Variants in TRPM6 observed in about 807,000 individuals in gnomAD.
The protein encoded by TRPM6 is channel kinase 2.
Under a neutral mutation model 247.6 loss-of-function variants are expected in TRPM6, and 111 were observed. The observed-to-expected ratio is 0.45, with a 90% CI of 0.38 to 0.52. The LOEUF is 0.52. Ranked by LOEUF, TRPM6 falls within the 20% of genes least tolerant of loss-of-function variation. TRPM6 has a pLI of 0.00. For synonymous variants in TRPM6, 892 were observed against 853.8 expected (o/e 1.04, Z -0.78); for missense variants, 2,126 against 2,421.5 (o/e 0.88, Z 2.56).
chr9:74,836,391 C>A (rs922279570), intron 5 of TRPM6, among the ~76,000 whole-genome samples: 7 of 152,112 alleles, frequency 4.6e-5, no homozygotes, highest in African/African-American at 1.7e-4. Context: ...GCAGCTAAAT[C>A]ACTTCCTCAT....
At chr9:74,849,913 G>C (rs1361188642) in intron 3 of TRPM6, among the ~76,000 whole-genome samples, 2 of 152,238 alleles carry the variant, frequency 1.3e-5, no homozygotes, top group Non-Finnish European at 2.9e-5. Flanking sequence ...GTGTAACTGA[G>C]AACCTGTAGC....
chr9:74,770,535 T>C (rs1009429413), intron 25 of TRPM6, among the ~76,000 whole-genome samples: 5 of 152,066 alleles, frequency 3.3e-5, no homozygotes, highest in African/African-American at 7.2e-5. Flanking sequence ...CCAGTGTGTC[T>C]CCTCCTCTTT....
At position 74,842,264 on chromosome 9, in the gene TRPM6, T is replaced by G. The variant is rs754961008; in HGVS notation, c.232A>C (p.Ser78Arg). 1.2e-6 allele frequency: 2 copies of G among 1,614,222 alleles called. No homozygotes were observed. The highest frequency in any genetic ancestry group is 1.7e-6 in the Non-Finnish European group (2 of 1,180,042). ...WTISAAKGKE[S>R]EQWSVEKHTT... is the part of the protein sequence containing the mutation. ...TGCTTTTCAACAGACCATTGTTCACTTTCTTTACCCTTGGCAGCTGAGATG... is the reference window on the plus strand; with the variant it reads ...TGCTTTTCAACAGACCATTGTTCACGTTCTTTACCCTTGGCAGCTGAGATG... The change falls in exon 4 of 39, where the codon AGT becomes CGT. Residue 78 changes from serine (S) to arginine (R), a missense_variant. This residue lies in a region of TRPM6 where 1,082 missense variants were observed against 1,307.9 expected (regional missense o/e 0.83). Coordinates refer to ENST00000360774, the MANE Select transcript of TRPM6 (RefSeq NM_017662.5).
chr9:74,847,255 C>T (rs1044295773), intron 3 of TRPM6, among the ~76,000 whole-genome samples: 4 of 152,122 alleles, frequency 2.6e-5, no homozygotes, highest in Admixed American at 2.6e-4. Flanking sequence ...GGCTGGAGTG[C>T]AGTGGTGTGA....
intron 25 of TRPM6, among the ~76,000 whole-genome samples, chr9:74,769,886 C>T (rs1826971073): frequency 6.6e-6 from 1 of 152,124 alleles, no homozygotes; most frequent in Admixed American, 6.5e-5. Flanking sequence ...TTCATCCCAG[C>T]TCCGTAAGCT....
chr9:74,807,196 G>T (rs1332774150), intron 14 of TRPM6, among the ~76,000 whole-genome samples: 1 of 152,116 alleles, frequency 6.6e-6, no homozygotes, highest in Non-Finnish European at 1.5e-5. Context: ...CAAGTAGCTT[G>T]ATATTCTAGG....
intron 24 of TRPM6, among the ~76,000 whole-genome samples, chr9:74,773,884 G>T (rs780446218): frequency 5.3e-5 from 8 of 152,154 alleles, no homozygotes; most frequent in Non-Finnish European, 1.2e-4. Context: ...TTCAGACACT[G>T]AAAAGATTCG....
chr9:74,823,833 A>T (rs140741211), intron 7 of TRPM6, among the ~76,000 whole-genome samples: 1 of 152,250 alleles, frequency 6.6e-6, no homozygotes, highest in Non-Finnish European at 1.5e-5. Context: ...TGGAAATAGG[A>T]CCGTGTTTAG....
Position 74,776,018 on chromosome 9 carries a change from G to C in TRPM6, c.3268C>G (p.Arg1090Gly). ...SNNLWKYNRYRYIMTYHEKPW... is the reference protein window; with the variant it reads ...SNNLWKYNRYGYIMTYHEKPW... ...TTCTCGTGGTAGGTCATGATGTAGCGATAGCGGTTGTATTTCCACAGGTTA... is the reference window on the plus strand; with the variant it reads ...TTCTCGTGGTAGGTCATGATGTAGCCATAGCGGTTGTATTTCCACAGGTTA... The change falls in exon 24 of 39, where the codon CGC (arginine) becomes GGC (glycine). Residue 1090 changes from arginine to glycine, a missense_variant. Arg to Gly is a moderately radical substitution (Grantham distance 125). Around this residue, in one of 3 missense-constraint regions of TRPM6, gnomAD observed 717 missense variants for 715.9 expected, o/e 1.00. Transcript: ENST00000360774. 1 of 1,614,114 alleles carries C rather than the reference G, an allele frequency of 6.2e-7. No homozygotes were observed. The highest frequency in any genetic ancestry group is 8.5e-7 in the Non-Finnish European group (1 of 1,180,032).
chr9:74,808,408 T>C (rs1273975351), intron 13 of TRPM6, among the ~76,000 whole-genome samples: 5 of 152,194 alleles, frequency 3.3e-5, no homozygotes, highest in Admixed American at 2.6e-4. Context: ...TGTGCTTCCA[T>C]CTATGCGTGC....
At position 74,835,189 on chromosome 9, in the gene TRPM6, G is replaced by A. The variant is rs1829683837; in HGVS notation, c.545-1067C>T. Among the ~76,000 whole-genome samples, 3 of 152,294 alleles carry A rather than the reference G, an allele frequency of 2.0e-5. No individual in the cohort carries two copies. In the South Asian group the frequency reaches 6.2e-4, roughly 32 times the overall value. On this transcript the variant is annotated intron_variant, in intron 5 of 38. Transcript: ENST00000360774. Reference sequence around the variant, plus strand: ...CTGCATTTCTCTGATGGCCAGTGCTGATGAGCATTTTTTCATGTGTCTGTT... The same window carrying A: ...CTGCATTTCTCTGATGGCCAGTGCTAATGAGCATTTTTTCATGTGTCTGTT...
At chr9:74,742,511 T>A in intron 33 of TRPM6, 50 bp downstream of exon 33, 1 of 1,563,270 alleles carries the variant, frequency 6.4e-7, no homozygotes, top group Non-Finnish European at 8.8e-7. Context: ...TCACTCAGAT[T>A]TTATGCCTCT....
At chr9:74,745,466 TGTGTGTGTGTGTGTGTGTATGCA>T (rs1826012111) in intron 31 of TRPM6, among the ~76,000 whole-genome samples, 1 of 140,826 alleles carries the variant, frequency 7.1e-6, no homozygotes, top group Non-Finnish European at 1.5e-5. Context: ...TGTGTGCGTG[TGTGTGTGTGTGTGTGTGTATGCA>T]TCAACTTAAG....
intron 29 of TRPM6, among the ~76,000 whole-genome samples, 154 bp downstream of exon 29, chr9:74,752,123 G>A (rs534725487): frequency 6.6e-6 from 1 of 152,214 alleles, no homozygotes; most frequent in African/African-American, 2.4e-5. Context: ...AAATAGAACA[G>A]AAATTCAACT....
intron 17 of TRPM6, chr9:74,799,919 A>C: frequency 2.8e-6 from 1 of 362,348 alleles, no homozygotes; most frequent in Non-Finnish European, 5.3e-6. Context: ...TCTGGCTGTG[A>C]CATCTGTCAC....
At chr9:74,745,410 A>C (rs1039567616) in intron 31 of TRPM6, among the ~76,000 whole-genome samples, 4 of 152,150 alleles carry the variant, frequency 2.6e-5, no homozygotes, top group African/African-American at 9.7e-5. Context: ...TTCTAGTAAA[A>C]GGAAATAGAA....
At chr9:74,849,116 G>A (rs751345195) in intron 3 of TRPM6, among the ~76,000 whole-genome samples, 21 of 152,264 alleles carry the variant, frequency 1.4e-4, no homozygotes, top group Non-Finnish European at 2.5e-4. Flanking sequence ...TCGGGAGGCC[G>A]AGGTGGGCAG....
At position 74,739,466 on chromosome 9, in the gene TRPM6, AC is replaced by A; in HGVS notation, c.5488-18del. 1 of 1,608,918 alleles carries A rather than the reference AC, an allele frequency of 6.2e-7. No homozygotes were observed. Among genetic ancestry groups the A allele is most frequent in the Non-Finnish European group, 8.5e-7 (1 of 1,175,296 alleles). On this transcript the variant is annotated intron_variant, in intron 34 of 38. Coordinates refer to ENST00000360774, the MANE Select transcript of TRPM6 (RefSeq NM_017662.5). ...TTGAATTTCCTACAAAATAGGGAGC[AC>A]TGATAAAAATACTGATTTACTGTTG...
At chr9:74,764,808 A>G (rs1826771727) in intron 25 of TRPM6, among the ~76,000 whole-genome samples, 1 of 152,236 alleles carries the variant, frequency 6.6e-6, no homozygotes, top group South Asian at 2.1e-4. Flanking sequence ...TGAGGCATTG[A>G]TATCTCTTGA....
Sources: gnomAD v4.1 joint callset for allele counts (sites outside exome capture counted in the v4.1 genomes callset) on GRCh38, gnomAD v4.1.1 for gene constraint, gnomAD v4.1.1 regional missense constraint, MANE v1.5 for transcripts, NCBI Gene and HGNC (gene_info 2026-07-23, HGNC 2026-07-21) for gene names.